Variants in LIPC observed in about 807,000 individuals in gnomAD.
The protein encoded by LIPC is hepatic triacylglycerol lipase.
In LIPC, 44 loss-of-function variants were observed where a neutral mutation model predicts 50.7. The ratio of observed to expected loss-of-function variants is 0.87; its 90% CI spans 0.68 to 1.11. The LOEUF (loss-of-function observed/expected upper bound fraction) is 1.11. Among genes scored for constraint, LIPC ranks in the 50% most tolerant of loss-of-function variants. LIPC has a pLI of 0.00. For missense variants in LIPC, 697 were observed against 648.2 expected (o/e 1.08, Z -0.82); for synonymous variants, 271 against 256.4 (o/e 1.06, Z -0.54).
At chr15:58,468,333 C>T (rs1470952837) in intron 1 of LIPC, among the ~76,000 whole-genome samples, 2 of 152,128 alleles carry the variant, frequency 1.3e-5, no homozygotes, top group East Asian at 1.9e-4. Flanking sequence ...AGTGTTGTCC[C>T]CAAACCAGCA....
At chr15:58,513,449 A>C (rs796671190) in intron 1 of LIPC, among the ~76,000 whole-genome samples, 1 of 152,304 alleles carries the variant, frequency 6.6e-6, no homozygotes, top group East Asian at 1.9e-4. Context: ...ACAATCTTCA[A>C]AGCAAACCGT....
chr15:58,465,584 G>A (rs1382112878), intron 1 of LIPC, among the ~76,000 whole-genome samples: 5 of 151,540 alleles, frequency 3.3e-5, no homozygotes, highest in Non-Finnish European at 7.4e-5. Flanking sequence ...TGTAGATTAC[G>A]GGTCAGAACC....
At chr15:58,478,815 T>C (rs188355459) in intron 1 of LIPC, among the ~76,000 whole-genome samples, 9 of 152,172 alleles carry the variant, frequency 5.9e-5, no homozygotes, top group Non-Finnish European at 1.2e-4. Flanking sequence ...CCTCCCACAA[T>C]ACTGAGCCAC....
chr15:58,497,029 G>A (rs1213772790), intron 1 of LIPC, among the ~76,000 whole-genome samples: 1 of 152,158 alleles, frequency 6.6e-6, no homozygotes, highest in Non-Finnish European at 1.5e-5. Flanking sequence ...AAGTCCGTGA[G>A]GTACAAATGC....
At chr15:58,479,176 T>C (rs1416556879) in intron 1 of LIPC, among the ~76,000 whole-genome samples, 1 of 152,254 alleles carries the variant, frequency 6.6e-6, no homozygotes, top group Non-Finnish European at 1.5e-5. Context: ...CTGTCATAAC[T>C]ACTAAATTGA....
At chr15:58,439,644 A>C (rs908675801) in intron 1 of LIPC, among the ~76,000 whole-genome samples, 2 of 152,138 alleles carry the variant, frequency 1.3e-5, no homozygotes, top group African/African-American at 4.8e-5. Flanking sequence ...GGGTTTCACC[A>C]TGTTGGCCAG....
Position 58,564,327 on chromosome 15 carries a change from G to A in LIPC, c.1388+604G>A, listed in dbSNP as rs115614740. ...AATCAGAGCCCTAAGAAACTCCAATGTAGAACAATGGGTCACCCGAAAGAA... is the reference window on the plus strand; with the variant it reads ...AATCAGAGCCCTAAGAAACTCCAATATAGAACAATGGGTCACCCGAAAGAA... On this transcript the variant is annotated intron_variant, in intron 8 of 8. Transcript: ENST00000299022. Among the ~76,000 whole-genome samples, 1,111 of 152,094 alleles carry A rather than the reference G, an allele frequency of 7.3e-3. 14 individuals carry two copies. Among genetic ancestry groups the A allele is most frequent in the African/African-American group, 0.026 (1,061 of 41,478 alleles).
intron 1 of LIPC, 63 bp downstream of exon 1, chr15:58,432,183 A>G: frequency 8.1e-7 from 1 of 1,231,828 alleles, no homozygotes; most frequent in Non-Finnish European, 1.2e-6. Context: ...GTGTGTCACA[A>G]AGAATCCAGG....
At chr15:58,506,844 G>C (rs1041616909) in intron 1 of LIPC, among the ~76,000 whole-genome samples, 1 of 152,204 alleles carries the variant, frequency 6.6e-6, no homozygotes, top group Non-Finnish European at 1.5e-5. Context: ...CCCGAGACTA[G>C]GAAATTTATA....
chr15:58,567,237 A>G (rs1462949654), intron 8 of LIPC, among the ~76,000 whole-genome samples: 5 of 137,252 alleles, frequency 3.6e-5, no homozygotes, highest in South Asian at 4.8e-4. Flanking sequence ...ATATGTATAT[A>G]TGTGTGTGTG....
chr15:58,525,761 C>T (rs1282137664), intron 1 of LIPC, among the ~76,000 whole-genome samples: 1 of 152,214 alleles, frequency 6.6e-6, no homozygotes, highest in African/African-American at 2.4e-5. Context: ...CAGATAACCT[C>T]AACATAAAGA....
intron 1 of LIPC, among the ~76,000 whole-genome samples, chr15:58,472,970 G>C (rs865884129): frequency 6.6e-6 from 1 of 152,186 alleles, no homozygotes; most frequent in South Asian, 2.1e-4. Flanking sequence ...CACTCAGAAA[G>C]GGGCATGGTT....
At chr15:58,532,683 C>T (rs1892995222) in intron 1 of LIPC, among the ~76,000 whole-genome samples, 1 of 152,152 alleles carries the variant, frequency 6.6e-6, no homozygotes, top group Non-Finnish European at 1.5e-5. Flanking sequence ...AGCTTCTAGC[C>T]CAGGCATCAT....
intron 1 of LIPC, chr15:58,436,572 GA>G (rs1203126383): frequency 1.0e-5 from 3 of 297,212 alleles, no homozygotes; most frequent in African/African-American, 6.6e-5. Flanking sequence ...ACATAAATAT[GA>G]CTGAAAATAC....
intron 1 of LIPC, among the ~76,000 whole-genome samples, chr15:58,443,222 A>C (rs1489711006): frequency 6.6e-6 from 1 of 152,158 alleles, no homozygotes; most frequent in Admixed American, 6.5e-5. Flanking sequence ...GAGATATCCC[A>C]TTTTGGATAG....
At chr15:58,526,339 C>T (rs1892798927) in intron 1 of LIPC, among the ~76,000 whole-genome samples, 2 of 152,232 alleles carry the variant, frequency 1.3e-5, no homozygotes, top group African/African-American at 4.8e-5. Context: ...GACTGATTTC[C>T]TCATTAGCAG....
In LIPC at chr15:58,443,447, A is replaced by C. The variant is rs1893573523; in HGVS notation, c.88+11327A>C. On this transcript the variant is annotated intron_variant, in intron 1 of 8. Transcript: ENST00000299022. ...GCCCAGAAACACAGATGTGAGCACA[A>C]ACCCAGGCAGCCCATAGAAGGCACA... is the stretch of plus-strand genomic sequence containing the variant. 2.6e-5 allele frequency among the ~76,000 whole-genome samples: 4 copies of C among 152,156 alleles called. No homozygotes were observed. In the South Asian group the frequency reaches 8.3e-4, roughly 32 times the overall value.
intron 6 of LIPC, among the ~76,000 whole-genome samples, chr15:58,551,974 A>C (rs992355566): frequency 2.6e-5 from 4 of 152,210 alleles, no homozygotes; most frequent in Non-Finnish European, 2.9e-5. Context: ...GAGAATTGGG[A>C]AACAGTCGCC....
chr15:58,542,731 A>G, intron 4 of LIPC, 80 bp downstream of exon 4: 2 of 924,932 alleles, frequency 2.2e-6, no homozygotes, highest in Non-Finnish European at 3.6e-6. Flanking sequence ...CAACAGGCTC[A>G]TCATTAAAAC....
Sources: allele counts gnomAD v4.1 joint callset (sites outside exome capture counted in the v4.1 genomes callset), GRCh38; gene constraint gnomAD v4.1.1; transcripts MANE v1.5; gene names NCBI Gene and HGNC (gene_info 2026-07-23, HGNC 2026-07-21).